HSBP1L1: variants seen among roughly 807,000 people sequenced by gnomAD.
The protein encoded by HSBP1L1 is heat shock factor binding protein 1 like 1, also known as heat shock factor-binding protein 1-like protein 1.
Under a neutral mutation model 9.7 loss-of-function variants are expected in HSBP1L1, and 8 were observed. The observed-to-expected ratio is 0.82, with a 90% confidence interval of 0.48 to 1.48. The LOEUF (loss-of-function observed/expected upper bound fraction) is 1.48, where lower values mean the gene tolerates loss of function less well. HSBP1L1 is among the 40% of genes most tolerant of loss of function. The pLI, the probability that HSBP1L1 is intolerant of heterozygous loss-of-function variation, is 0.00. For missense variants in HSBP1L1, 106 were observed against 95.8 expected (o/e 1.11, Z -0.44); for synonymous variants, 39 against 34.4 (o/e 1.13, Z -0.46).
Position 79,966,500 on chromosome 18 carries a change from G to A in HSBP1L1, c.52-112G>A, listed in dbSNP as rs895252109. 6.8e-5 allele frequency: 47 copies of A among 692,154 alleles called. No individual in the cohort carries two copies. In the East Asian group the frequency reaches 1.0e-3, roughly 15 times the overall value. The allele number at this position is 692,154 out of a possible 1,614,324, so 42.9% of individuals were successfully genotyped here. A position where few individuals can be genotyped will look rare whatever the true frequency, so the allele number is the denominator to read the frequency against. On this transcript the variant is annotated intron_variant, in intron 1 of 3. Transcript: ENST00000451882. The stretch of plus-strand genomic sequence containing the variant: ...GGAGGTTGTAGTGAGCTGAGATCGC[G>A]CCATTGCACTCCAGCCTGGGCAACA...
intron 3 of HSBP1L1, chr18:79,970,220 G>GT (rs2051287962): frequency 2.0e-6 from 1 of 499,422 alleles, no homozygotes; most frequent in Admixed American, 3.0e-5. Flanking sequence ...GTAAGTGGTT[G>GT]TAAGGATTTA....
intron 3 of HSBP1L1, 187 bp from the exon 4 acceptor site, chr18:79,970,253 T>TA: frequency 1.9e-6 from 1 of 539,440 alleles, no homozygotes; most frequent in South Asian, 2.6e-5. Context: ...GCAAAGCACT[T>TA]AAGTCAGGGC....
chr18:79,968,368 C>T (rs2051268279), intron 3 of HSBP1L1, among the ~76,000 whole-genome samples, 185 bp downstream of exon 3: 1 of 152,142 alleles, frequency 6.6e-6, no homozygotes, highest in Non-Finnish European at 1.5e-5. Context: ...GCTCTGTCGC[C>T]CAGGCTGGAG....
chr18:79,965,848 C>G (rs1404325790), intron 1 of HSBP1L1, among the ~76,000 whole-genome samples: 1 of 152,190 alleles, frequency 6.6e-6, no homozygotes, highest in Non-Finnish European at 1.5e-5. Context: ...AAAAGACTTT[C>G]CTTTCCCTCT....
intron 1 of HSBP1L1, among the ~76,000 whole-genome samples, chr18:79,965,799 G>A (rs1021078620): frequency 7.2e-5 from 11 of 152,194 alleles, no homozygotes; most frequent in Admixed American, 7.2e-4. Flanking sequence ...TCCCTGCCCC[G>A]TCTGCACGTG....
chr18:79,966,878 GTGGCTCACGCC>G lies in HSBP1L1; in HGVS notation c.118+203_118+213del. On this transcript the variant is annotated intron_variant, in intron 2 of 3. Coordinates refer to ENST00000451882, the MANE Select transcript of HSBP1L1 (RefSeq NM_001136180.2). ...AAAGCTGTACCTCCGGCCGGGTGCA[GTGGCTCACGCC>G]TGTAATCCCAGCACTTTGGGAGGCC... 6.0e-6 allele frequency: 3 copies of G among 499,004 alleles called. No homozygotes were observed. In the South Asian group the frequency reaches 6.6e-5, roughly 11 times the overall value. 30.9% of individuals were successfully genotyped at this position (499,004 alleles called of 1,614,324 possible). A position where few individuals can be genotyped will look rare whatever the true frequency, so the allele number is the denominator to read the frequency against.
In HSBP1L1 at chr18:79,968,107, G is replaced by C. The variant is rs143104176; in HGVS notation, c.137G>C (p.Arg46Pro). The C allele has an allele frequency of 5.2e-6, 8 of 1,549,208 alleles. No individual in the cohort carries two copies. The East Asian group carries it at 2.0e-4, about 38-fold the overall frequency. The change falls in exon 3 of 4, where the codon CGC becomes CCC. Residue 46 changes from arginine to proline, a missense_variant. Coordinates refer to ENST00000451882, the MANE Select transcript of HSBP1L1 (RefSeq NM_001136180.2). ...LNLRMEEMGN[R>P]IEDLQKNVKD... ...ACTGTACTGGAAGAAATGGGAAATC[G>C]CATTGAGGACTTACAGAAGAATGTC...
At chr18:79,969,306 GA>G (rs1271243006) in intron 3 of HSBP1L1, among the ~76,000 whole-genome samples, 7,037 of 63,834 alleles carry the variant, frequency 0.11, 1,758 homozygotes, top group Non-Finnish European at 0.16. Flanking sequence ...GAGAGAGAGA[GA>G]GAAAGGAAAG....
At chr18:79,965,444 G>A (rs1009615739) in intron 1 of HSBP1L1, among the ~76,000 whole-genome samples, 12 of 152,118 alleles carry the variant, frequency 7.9e-5, no homozygotes, top group Non-Finnish European at 1.6e-4. Flanking sequence ...GGTACGTGGG[G>A]CTCCCTGGGA....
Position 79,968,134 on chromosome 18 carries a change from A to C in HSBP1L1, c.164A>C (p.Lys55Thr). ...ATTGAGGACTTACAGAAGAATGTCAAGGACTTAATGGTGCAAGCTGGCATT... is the reference window on the plus strand; with the variant it reads ...ATTGAGGACTTACAGAAGAATGTCACGGACTTAATGGTGCAAGCTGGCATT... ...NRIEDLQKNV[K>T]DLMVQAGIEN... is the part of the protein sequence containing the mutation. Residue 55 changes from lysine to threonine, a missense_variant, in exon 3 of 4, where the codon AAG becomes ACG. Lys to Thr is a moderately conservative substitution (Grantham distance 78). Transcript: ENST00000451882. 1.3e-6 allele frequency: 2 copies of C among 1,550,494 alleles called. No homozygotes were observed. The highest frequency in any genetic ancestry group is 1.7e-6 in the Non-Finnish European group (2 of 1,145,952).
chr18:79,966,323 C>T (rs1005049427), intron 1 of HSBP1L1, among the ~76,000 whole-genome samples: 4 of 152,100 alleles, frequency 2.6e-5, no homozygotes, highest in Non-Finnish European at 4.4e-5. Flanking sequence ...GTGGGCAGAT[C>T]ACCTGAGGCC....
rs1205946581 is a variant in HSBP1L1, at chr18:79,970,814, G to A, written c.*363G>A. 2.9e-5 allele frequency: 6 copies of A among 209,572 alleles called. No individual in the cohort carries two copies. Among genetic ancestry groups the A allele is most frequent in the African/African-American group, 1.3e-4 (6 of 44,510 alleles). 13.0% of individuals were successfully genotyped at this position (209,572 alleles called of 1,614,324 possible). A position where few individuals can be genotyped will look rare whatever the true frequency, so the allele number is the denominator to read the frequency against. On this transcript the variant is annotated 3_prime_UTR_variant, in exon 4 of 4. Transcript: ENST00000451882. ...AAATATACAATAAACTTACAAATGT[G>A]GAATGTAATTATTTTATCTTTTTCT...
At chr18:79,970,403 G>A (rs1199897551) in intron 3 of HSBP1L1, 37 bp from the exon 4 acceptor site, 1 of 718,510 alleles carries the variant, frequency 1.4e-6, no homozygotes, top group Non-Finnish European at 2.6e-6. Context: ...ACACCTGATA[G>A]GAGTTACGGC....
rs547705637 is a variant in HSBP1L1 at position 79,965,411 on chromosome 18, A to T, written c.51+625A>T. Among the ~76,000 whole-genome samples, 18 of 152,176 alleles carry T rather than the reference A, an allele frequency of 1.2e-4. No homozygotes were observed. In the South Asian group the frequency reaches 3.7e-3, roughly 32 times the overall value. On this transcript the variant is annotated intron_variant, in intron 1 of 3. Coordinates refer to ENST00000451882, the MANE Select transcript of HSBP1L1 (RefSeq NM_001136180.2). ...AGAGGTGGGGCCTCCTCCTATGTCG[A>T]CGGGATTCTAGATTCACACCATGGT...
At chr18:79,965,414 G>A (rs377528285) in intron 1 of HSBP1L1, among the ~76,000 whole-genome samples, 4 of 152,204 alleles carry the variant, frequency 2.6e-5, no homozygotes, top group African/African-American at 9.6e-5. Flanking sequence ...TATGTCGACG[G>A]GATTCTAGAT....
At chr18:79,965,633 G>C (rs2051252828) in intron 1 of HSBP1L1, among the ~76,000 whole-genome samples, 1 of 152,206 alleles carries the variant, frequency 6.6e-6, no homozygotes, top group Non-Finnish European at 1.5e-5. Flanking sequence ...TGGTATTTCT[G>C]TGTGACCTGG....
chr18:79,969,373 AAG>A (rs1435906293), intron 3 of HSBP1L1, among the ~76,000 whole-genome samples: 1 of 51,312 alleles, frequency 1.9e-5, no homozygotes, highest in Admixed American at 2.4e-4. Flanking sequence ...GAAAGAAAGA[AAG>A]AAAGAAAGAA....
chr18:79,969,008 G>C (rs1330796564), intron 3 of HSBP1L1, among the ~76,000 whole-genome samples: 1 of 137,228 alleles, frequency 7.3e-6, no homozygotes, highest in Non-Finnish European at 1.5e-5. Context: ...GTGAAAGCCC[G>C]TCTCTACTAA....
intron 3 of HSBP1L1, 40 bp from the exon 4 acceptor site, chr18:79,970,400 A>C (rs1277073728): frequency 1.3e-5 from 9 of 718,532 alleles, no homozygotes; most frequent in Non-Finnish European, 2.3e-5. Flanking sequence ...AATACACCTG[A>C]TAGGAGTTAC....
Sources: gnomAD v4.1 joint callset for allele counts (sites outside exome capture counted in the v4.1 genomes callset) on GRCh38, gnomAD v4.1.1 for gene constraint, MANE v1.5 for transcripts, NCBI Gene and HGNC (gene_info 2026-07-23, HGNC 2026-07-21) for gene names.